Variants in COG4 observed in about 807,000 individuals in gnomAD.
COG4 encodes component of oligomeric golgi complex 4.
A neutral mutation model predicts 95.1 loss-of-function variants in COG4; 65 were observed. The ratio of observed to expected loss-of-function variants is 0.68; its 90% confidence interval spans 0.56 to 0.84. The LOEUF is 0.84. Among genes scored for constraint, COG4 ranks in the 40% least tolerant of loss-of-function variants. The probability of loss-of-function intolerance (pLI) is 0.00; values close to 1 mark genes in which losing one functional copy is unlikely to be tolerated. For synonymous variants in COG4, 421 were observed against 374.8 expected, an observed-to-expected ratio of 1.12 and a Z score of -1.42; for missense variants, 1,045 against 989.1, an observed-to-expected ratio of 1.06 and a Z score of -0.76.
rs141876085 is a variant in COG4 at position 70,523,284 on chromosome 16, AG to A, written c.171+88del. 172 of 1,500,004 alleles carry A rather than the reference AG, an allele frequency of 1.1e-4. 2 individuals carry two copies. In the East Asian group the frequency reaches 3.1e-3, roughly 27 times the overall value. The allele number at this position is 1,500,004 out of a possible 1,614,324, so 92.9% of individuals were successfully genotyped here. On this transcript the variant is annotated intron_variant, in intron 1 of 18. Transcript: ENST00000323786. ...TCCCGCTTTTTTGTATCCCCCAGCAAGGAGAGTTTCCCACAGCCCGGATTTC... is the reference window on the plus strand; with the variant it reads ...TCCCGCTTTTTTGTATCCCCCAGCAAGAGAGTTTCCCACAGCCCGGATTTC...
chr16:70,501,137 T>C, intron 8 of COG4, 46 bp from the exon 9 acceptor site: 1 of 1,603,410 alleles, frequency 6.2e-7, no homozygotes, highest in East Asian at 2.2e-5. Flanking sequence ...TGGATTACCT[T>C]AGACACAAGA....
chr16:70,510,264 G>A (rs2049673201), intron 5 of COG4, among the ~76,000 whole-genome samples: 1 of 152,192 alleles, frequency 6.6e-6, no homozygotes. Context: ...AATATGGACT[G>A]CCATTAGCCA....
At chr16:70,481,678 G>A in intron 17 of COG4, 86 bp downstream of exon 17, 1 of 1,363,714 alleles carries the variant, frequency 7.3e-7, no homozygotes, top group African/African-American at 1.4e-5. Flanking sequence ...GCAGACAGAG[G>A]GGATGCAAGT....
chr16:70,481,960 G>A (rs1208372535), intron 16 of COG4, 95 bp from the exon 17 acceptor site: 30 of 1,361,628 alleles, frequency 2.2e-5, no homozygotes, highest in Non-Finnish European at 2.7e-5. Flanking sequence ...GTGAGGCCAC[G>A]GGGGAGTTTC....
At chr16:70,481,290 A>G (rs1325033095) in intron 18 of COG4, 69 bp downstream of exon 18, 3 of 1,606,510 alleles carry the variant, frequency 1.9e-6, no homozygotes, top group African/African-American at 1.3e-5. Flanking sequence ...TTTAGAGGGA[A>G]GTGGCGGGGA....
At chr16:70,522,768 G>A (rs1246007665) in intron 1 of COG4, among the ~76,000 whole-genome samples, 1 of 152,174 alleles carries the variant, frequency 6.6e-6, no homozygotes, top group African/African-American at 2.4e-5. Context: ...AAAGGAATTG[G>A]AGAATAGTCC....
At chr16:70,492,522 G>A (rs769115669) in intron 12 of COG4, among the ~76,000 whole-genome samples, 20 of 151,948 alleles carry the variant, frequency 1.3e-4, no homozygotes, top group Non-Finnish European at 2.8e-4. Context: ...TTAGCCGGGC[G>A]TGGTGGTGCA....
intron 13 of COG4, among the ~76,000 whole-genome samples, chr16:70,485,322 G>A (rs1030486474): frequency 6.6e-6 from 1 of 151,134 alleles, no homozygotes; most frequent in Non-Finnish European, 1.5e-5. Context: ...TCGTGCCTCA[G>A]CCTCCCGAGT....
At chr16:70,493,913 G>A (rs1210206122) in intron 12 of COG4, among the ~76,000 whole-genome samples, 3 of 152,182 alleles carry the variant, frequency 2.0e-5, no homozygotes, top group African/African-American at 4.8e-5. Context: ...GAGGTAAGGA[G>A]GAGCCAGTCT....
chr16:70,517,753 A>G lies in COG4; in HGVS notation c.255-13T>C. 2 of 1,554,224 alleles carry G rather than the reference A, an allele frequency of 1.3e-6. No homozygotes were observed. The highest frequency in any genetic ancestry group is 1.7e-4 in the Middle Eastern group (1 of 5,962). On this transcript the variant is annotated splice_polypyrimidine_tract_variant and intron_variant, in intron 2 of 18. Coordinates refer to ENST00000323786, the MANE Select transcript of COG4 (RefSeq NM_015386.3). ...CTGCAGATTAGGACTGGAGAAATACATTGTTAGCATACACATAACGATAGG... is the reference window on the plus strand; with the variant it reads ...CTGCAGATTAGGACTGGAGAAATACGTTGTTAGCATACACATAACGATAGG...
In COG4 at chr16:70,523,519, C is replaced by G; in HGVS notation, c.25G>C (p.Asp9His). Residue 9 changes from aspartate to histidine, a missense_variant, in exon 1 of 19, where the codon GAT (aspartate) becomes CAT (histidine). Coordinates refer to ENST00000323786, the MANE Select transcript of COG4 (RefSeq NM_015386.3). ...ACCCCTGACAGCTTCGGAGGCGAAT[C>G]AAGGTCCGCCATCTTGGTCCCCATT... Reference protein sequence around the residue: MGTKMADLDSPPKLSGVQQ... With the variant: MGTKMADLHSPPKLSGVQQ... The G allele has an allele frequency of 1.9e-6, 3 of 1,614,056 alleles. No homozygotes were observed. The highest frequency in any genetic ancestry group is 2.5e-6 in the Non-Finnish European group (3 of 1,180,032).
chr16:70,485,338 G>C (rs952704421), intron 13 of COG4, among the ~76,000 whole-genome samples: 8 of 151,636 alleles, frequency 5.3e-5, no homozygotes, highest in Non-Finnish European at 7.4e-5. Flanking sequence ...CGAGTAGCTG[G>C]GACTACAGGC....
At chr16:70,517,971 G>A (rs577055822) in intron 2 of COG4, among the ~76,000 whole-genome samples, 12 of 150,156 alleles carry the variant, frequency 8.0e-5, no homozygotes, top group South Asian at 2.1e-4. Flanking sequence ...TTGCTTTGTC[G>A]CCAGGCTGGA....
intron 4 of COG4, among the ~76,000 whole-genome samples, chr16:70,512,968 T>C (rs1165719525): frequency 1.3e-5 from 2 of 152,070 alleles, no homozygotes; most frequent in African/African-American, 4.8e-5. Context: ...AGAGTGAGAC[T>C]CCGTCTCAAA....
At chr16:70,522,590 C>G (rs1361179212) in intron 1 of COG4, among the ~76,000 whole-genome samples, 2 of 152,238 alleles carry the variant, frequency 1.3e-5, no homozygotes, top group African/African-American at 2.4e-5. Flanking sequence ...CTGAAACTGC[C>G]TTTTGTGCTC....
intron 13 of COG4, among the ~76,000 whole-genome samples, chr16:70,484,602 C>G (rs191280658): frequency 2.1e-3 from 318 of 152,344 alleles, no homozygotes; most frequent in Admixed American, 4.2e-3. Context: ...AAGCATTTCA[C>G]TTTTATTAAA....
chr16:70,496,516 A>C, intron 11 of COG4, 85 bp from the exon 12 acceptor site: 1 of 1,374,094 alleles, frequency 7.3e-7, no homozygotes, highest in South Asian at 1.2e-5. Context: ...ACTCTGACCC[A>C]GCAGCACAAG....
intron 1 of COG4, among the ~76,000 whole-genome samples, 191 bp from the exon 2 acceptor site, chr16:70,519,922 A>T (rs1456189502): frequency 1.3e-5 from 2 of 152,196 alleles, no homozygotes; most frequent in Admixed American, 1.3e-4. Context: ...CGTATATCTT[A>T]TTCCACCTGG....
At chr16:70,505,744 G>C (rs865871540) in intron 8 of COG4, among the ~76,000 whole-genome samples, 15 of 151,838 alleles carry the variant, frequency 9.9e-5, no homozygotes, top group South Asian at 2.1e-4. Flanking sequence ...CAGGAGAATG[G>C]CGTGAACCCG....
Sources: gnomAD v4.1 joint callset for allele counts (sites outside exome capture counted in the v4.1 genomes callset) on GRCh38, gnomAD v4.1.1 for gene constraint, MANE v1.5 for transcripts, NCBI Gene and HGNC (gene_info 2026-07-23, HGNC 2026-07-21) for gene names.